GALNTL6: variants seen among roughly 807,000 people sequenced by gnomAD.
GALNTL6 encodes polypeptide N-acetylgalactosaminyltransferase like 6.
Under a neutral mutation model 73.7 loss-of-function variants are expected in GALNTL6, and 46 were observed. The observed-to-expected ratio is 0.62, with a 90% confidence interval of 0.49 to 0.80. GALNTL6 has a LOEUF of 0.80. Ranked by LOEUF, GALNTL6 falls within the 30% of genes least tolerant of loss-of-function variation. The probability of loss-of-function intolerance (pLI) is 0.00; values close to 1 mark genes in which losing one functional copy is unlikely to be tolerated. For synonymous variants in GALNTL6, 259 were observed against 263.7 expected, an observed-to-expected ratio of 0.98 and a Z score of 0.17; for missense variants, 604 against 755.0, an observed-to-expected ratio of 0.80 and a Z score of 2.34.
At chr4:172,291,998 A>G (rs912470982) in intron 3 of GALNTL6, among the ~76,000 whole-genome samples, 3 of 152,190 alleles carry the variant, frequency 2.0e-5, no homozygotes, top group Admixed American at 1.3e-4. Context: ...TTAGAACAGT[A>G]GTTCACCAAA....
intron 5 of GALNTL6, chr4:172,667,108 C>G (rs1731707316): frequency 6.6e-6 from 1 of 152,226 alleles, no homozygotes; most frequent in Non-Finnish European, 1.5e-5. Context: ...TCACTCCTTT[C>G]TAGGCTTTCC....
intron 5 of GALNTL6, among the ~76,000 whole-genome samples, chr4:172,794,049 A>G (rs535744507): frequency 4.1e-4 from 63 of 152,324 alleles, no homozygotes; most frequent in African/African-American, 1.5e-3. Context: ...AATACTGTAG[A>G]ACAGAAATGC....
At chr4:172,993,853 C>T (rs1427148503) in intron 10 of GALNTL6, among the ~76,000 whole-genome samples, 3 of 152,124 alleles carry the variant, frequency 2.0e-5, no homozygotes, top group African/African-American at 4.8e-5. Context: ...ACCCAGGAGG[C>T]GGAGGTTGCA....
intron 2 of GALNTL6, among the ~76,000 whole-genome samples, chr4:171,929,711 C>T (rs554746242): frequency 3.5e-4 from 54 of 152,308 alleles, no homozygotes; most frequent in African/African-American, 1.2e-3. Flanking sequence ...CCCTGGCTGC[C>T]CTGCTGGAGG....
intron 5 of GALNTL6, among the ~76,000 whole-genome samples, chr4:172,632,216 C>G (rs1739425876): frequency 6.6e-6 from 1 of 152,186 alleles, no homozygotes; most frequent in South Asian, 2.1e-4. Flanking sequence ...GAGTGGGGTG[C>G]TGCTGTAAAG....
chr4:172,250,481 A>G (rs1317923076), intron 3 of GALNTL6, among the ~76,000 whole-genome samples: 2 of 152,094 alleles, frequency 1.3e-5, no homozygotes. Context: ...GCATAATGAT[A>G]TGGTTTTGCT....
intron 2 of GALNTL6, among the ~76,000 whole-genome samples, chr4:172,197,177 C>G (rs28752256): frequency 6.6e-6 from 1 of 151,672 alleles, no homozygotes. Flanking sequence ...CATGAATGAA[C>G]TTTCATGTAC....
chr4:172,145,300 C>T (rs1012751950), intron 2 of GALNTL6, among the ~76,000 whole-genome samples: 7 of 152,042 alleles, frequency 4.6e-5, no homozygotes, highest in Admixed American at 2.0e-4. Context: ...CCACTACGCC[C>T]AGCTAATTTT....
At chr4:172,562,306 A>G (rs1736402391) in intron 5 of GALNTL6, among the ~76,000 whole-genome samples, 1 of 152,188 alleles carries the variant, frequency 6.6e-6, no homozygotes, top group Non-Finnish European at 1.5e-5. Context: ...TCACAATAGC[A>G]TCACACAGAA....
chr4:172,247,929 A>G (rs1737718292), intron 3 of GALNTL6, among the ~76,000 whole-genome samples: 1 of 152,242 alleles, frequency 6.6e-6, no homozygotes, highest in Non-Finnish European at 1.5e-5. Context: ...TCAAGTTCAT[A>G]CATGACTGTG....
intron 12 of GALNTL6, among the ~76,000 whole-genome samples, chr4:173,037,266 C>A (rs190120763): frequency 6.6e-6 from 1 of 152,246 alleles, no homozygotes; most frequent in East Asian, 1.9e-4. Context: ...TCACTAGTGA[C>A]CTTTGGAATA....
intron 2 of GALNTL6, among the ~76,000 whole-genome samples, chr4:171,922,220 C>A (rs868006878): frequency 1.3e-5 from 2 of 151,934 alleles, no homozygotes; most frequent in Non-Finnish European, 2.9e-5. Context: ...AAGAAATTCC[C>A]ATTTCTAAAT....
At chr4:171,960,553 T>C (rs1739191231) in intron 2 of GALNTL6, among the ~76,000 whole-genome samples, 1 of 152,058 alleles carries the variant, frequency 6.6e-6, no homozygotes, top group Admixed American at 6.6e-5. Flanking sequence ...GTGCTAGGAT[T>C]ACAGGTGTGA....
intron 5 of GALNTL6, among the ~76,000 whole-genome samples, chr4:172,733,721 G>A (rs1042108360): frequency 1.3e-5 from 2 of 152,058 alleles, no homozygotes; most frequent in African/African-American, 2.4e-5. Context: ...TTCGCCTTCC[G>A]CCATGATTGT....
chr4:171,942,995 C>T (rs186975611), intron 2 of GALNTL6, among the ~76,000 whole-genome samples: 90 of 152,194 alleles, frequency 5.9e-4, no homozygotes, highest in African/African-American at 1.9e-3. Context: ...ACTGGTATGC[C>T]GTCTACACAA....
At chr4:172,643,290 A>G (rs1274950872) in intron 5 of GALNTL6, among the ~76,000 whole-genome samples, 1 of 151,938 alleles carries the variant, frequency 6.6e-6, no homozygotes, top group Non-Finnish European at 1.5e-5. Flanking sequence ...TTTGATTACA[A>G]CTATGATTTA....
intron 5 of GALNTL6, among the ~76,000 whole-genome samples, chr4:172,605,300 C>A (rs1312428104): frequency 1.3e-5 from 2 of 152,138 alleles, no homozygotes; most frequent in Non-Finnish European, 2.9e-5. Flanking sequence ...TCTCCCTAAA[C>A]CCACATCAAT....
At chr4:172,996,225 C>G (rs1305495571) in intron 10 of GALNTL6, among the ~76,000 whole-genome samples, 1 of 151,964 alleles carries the variant, frequency 6.6e-6, no homozygotes, top group African/African-American at 2.4e-5. Flanking sequence ...AAAATGAGAT[C>G]ATGTCCTTTG....
intron 2 of GALNTL6, among the ~76,000 whole-genome samples, chr4:172,067,213 A>T (rs1731392143): frequency 2.6e-5 from 4 of 152,068 alleles, no homozygotes; most frequent in Non-Finnish European, 5.9e-5. Flanking sequence ...CAAGAAATCA[A>T]TTTTTTGCTA....
Sources: gnomAD v4.1 joint callset for allele counts (sites outside exome capture counted in the v4.1 genomes callset) on GRCh38, gnomAD v4.1.1 for gene constraint, MANE v1.5 for transcripts, NCBI Gene and HGNC (gene_info 2026-07-23, HGNC 2026-07-21) for gene names.